Variants in PABPC4L observed in about 807,000 individuals in gnomAD.
PABPC4L encodes polyadenylate-binding protein 4-like.
For missense variants in PABPC4L, 452 were observed against 451.4 expected (o/e 1.00, Z -0.01); for synonymous variants, 169 against 164.1 (o/e 1.03, Z -0.23).
the PABPC4L span, among the ~76,000 whole-genome samples, chr4:134,093,853 C>A: frequency 1.5e-4 from 22 of 151,342 alleles, no homozygotes; most frequent in African/African-American, 5.1e-4. Flanking sequence ...ATTTTGAAAG[C>A]CTCAGAAGCA....
chr4:134,134,706 G>A, the PABPC4L span, among the ~76,000 whole-genome samples: 152 of 148,842 alleles, frequency 1.0e-3, 1 homozygote, highest in African/African-American at 3.5e-3. Flanking sequence ...ATATATTTTA[G>A]ATGTAAAACT....
chr4:134,146,883 G>C, the PABPC4L span, among the ~76,000 whole-genome samples: 1 of 152,062 alleles, frequency 6.6e-6, no homozygotes, highest in African/African-American at 2.4e-5. Flanking sequence ...GTCATGGACT[G>C]TATCTGGAAC....
the PABPC4L span, among the ~76,000 whole-genome samples, chr4:133,960,106 C>T: frequency 6.6e-6 from 1 of 152,112 alleles, no homozygotes; most frequent in Non-Finnish European, 1.5e-5. Context: ...ATGGATAGAG[C>T]AGCATGCAGA....
chr4:133,979,038 TTG>T, the PABPC4L span: 1 of 152,188 alleles, frequency 6.6e-6, no homozygotes, highest in African/African-American at 2.4e-5. Flanking sequence ...TCAAGATCTT[TTG>T]TATAATTATA....
the PABPC4L span, among the ~76,000 whole-genome samples, chr4:134,101,604 T>A: frequency 6.6e-6 from 1 of 151,632 alleles, no homozygotes; most frequent in Non-Finnish European, 1.5e-5. Context: ...ATTGTTTATT[T>A]CTATTTATAG....
At chr4:133,961,424 G>A in the PABPC4L span, among the ~76,000 whole-genome samples, 4 of 152,114 alleles carry the variant, frequency 2.6e-5, no homozygotes, top group South Asian at 2.1e-4. Context: ...CTTGAAACAC[G>A]GGCCTTGCAA....
chr4:133,999,534 A>G, the PABPC4L span, among the ~76,000 whole-genome samples: 1 of 152,116 alleles, frequency 6.6e-6, no homozygotes, highest in Non-Finnish European at 1.5e-5. Context: ...GGTAAATTTC[A>G]TCAGTAGATT....
the PABPC4L span, among the ~76,000 whole-genome samples, chr4:134,161,853 A>G: frequency 6.6e-6 from 1 of 152,136 alleles, no homozygotes; most frequent in Non-Finnish European, 1.5e-5. Context: ...TAAAAATAAT[A>G]CTACAGCAAT....
the PABPC4L span, among the ~76,000 whole-genome samples, chr4:134,187,255 G>T: frequency 6.6e-6 from 1 of 152,096 alleles, no homozygotes; most frequent in East Asian, 1.9e-4. Flanking sequence ...TATGGTTATT[G>T]TGGCACTATT....
At chr4:134,043,654 G>C in the PABPC4L span, among the ~76,000 whole-genome samples, 1 of 150,456 alleles carries the variant, frequency 6.6e-6, no homozygotes, top group Non-Finnish European at 1.5e-5. Flanking sequence ...TCTAAAACTT[G>C]CCAAAAATGT....
the PABPC4L span, among the ~76,000 whole-genome samples, chr4:134,056,945 A>G: frequency 2.0e-5 from 3 of 152,080 alleles, no homozygotes; most frequent in Admixed American, 1.3e-4. Flanking sequence ...CGCCATAGAT[A>G]TTCTTGTCTT....
the PABPC4L span, among the ~76,000 whole-genome samples, chr4:134,019,760 A>G: frequency 2.0e-5 from 3 of 152,150 alleles, no homozygotes; most frequent in African/African-American, 7.2e-5. Context: ...TTGAATCTAC[A>G]TGTCTATCAC....
the PABPC4L span, among the ~76,000 whole-genome samples, chr4:133,952,745 C>A: frequency 2.0e-5 from 3 of 152,200 alleles, no homozygotes; most frequent in East Asian, 5.8e-4. Context: ...CTTATCATTA[C>A]TTTTATTTGC....
downstream of PABPC4L, among the ~76,000 whole-genome samples, chr4:134,195,778 A>C (rs2125706510): frequency 6.6e-6 from 1 of 151,778 alleles, no homozygotes; most frequent in African/African-American, 2.4e-5. Context: ...CAAAACCAAC[A>C]CTTAATTATA....
At chr4:134,170,568 GGGAGCAAGGTGCCTCACAT>G in the PABPC4L span, among the ~76,000 whole-genome samples, 1 of 152,076 alleles carries the variant, frequency 6.6e-6, no homozygotes, top group Non-Finnish European at 1.5e-5. Context: ...AAGGTGAAGG[GGGAGCAAGGTGCCTCACAT>G]GGTGGAAACA....
the PABPC4L span, among the ~76,000 whole-genome samples, chr4:134,025,305 CA>C: frequency 0.19 from 8,767 of 45,864 alleles, 104 homozygotes; most frequent in Non-Finnish European, 0.22. Flanking sequence ...GAATTCATCT[CA>C]AAAAAAAAAA....
chr4:134,192,668 A>G (rs917407082), downstream of PABPC4L, among the ~76,000 whole-genome samples: 6 of 152,160 alleles, frequency 3.9e-5, no homozygotes, highest in African/African-American at 9.7e-5. Flanking sequence ...GTCACACAAC[A>G]GAAGAATATG....
At chr4:134,110,376 G>A in the PABPC4L span, among the ~76,000 whole-genome samples, 15 of 151,800 alleles carry the variant, frequency 9.9e-5, no homozygotes, top group African/African-American at 3.1e-4. Flanking sequence ...TTATTCTAAA[G>A]GATTTTCAGA....
the PABPC4L span, among the ~76,000 whole-genome samples, chr4:133,995,223 T>G: frequency 6.6e-6 from 1 of 152,186 alleles, no homozygotes; most frequent in African/African-American, 2.4e-5. Context: ...GCATATAGAA[T>G]GGGGTTCTTT....
Sources: gnomAD v4.1 joint callset for allele counts (sites outside exome capture counted in the v4.1 genomes callset) on GRCh38, gnomAD v4.1.1 for gene constraint, MANE v1.5 for transcripts, NCBI Gene and HGNC (gene_info 2026-07-23, HGNC 2026-07-21) for gene names.